The following PHACTR4 variants were observed in gnomAD, a reference collection of about 807,000 sequenced individuals.
PHACTR4 encodes the protein protein phosphatase 1, regulatory subunit 124.
PHACTR4 carries 51 observed loss-of-function variants against 72.7 expected under a neutral mutation model. The ratio of observed to expected loss-of-function variants is 0.70; its 90% CI spans 0.56 to 0.89. The LOEUF (loss-of-function observed/expected upper bound fraction) is 0.89. Ranked by LOEUF, PHACTR4 falls within the 40% of genes least tolerant of loss-of-function variation. The probability of loss-of-function intolerance (pLI) is 0.00; values close to 1 mark genes in which losing one functional copy is unlikely to be tolerated. For missense variants in PHACTR4, 731 were observed against 861.8 expected, an observed-to-expected ratio of 0.85 and a Z score of 1.90; for synonymous variants, 255 against 302.5, an observed-to-expected ratio of 0.84 and a Z score of 1.63.
At chr1:28,419,902 G>C (rs943206717) in intron 2 of PHACTR4, among the ~76,000 whole-genome samples, 1 of 152,040 alleles carries the variant, frequency 6.6e-6, no homozygotes, top group Admixed American at 6.6e-5. Context: ...TACATACCAC[G>C]AATGTTGTGT....
intron 1 of PHACTR4, among the ~76,000 whole-genome samples, chr1:28,393,470 C>G (rs1025995073): frequency 2.6e-5 from 4 of 152,132 alleles, no homozygotes; most frequent in African/African-American, 9.7e-5. Context: ...TGAAAAATTC[C>G]TATTGCCTGG....
chr1:28,369,860 GC>G, intron 1 of PHACTR4, 35 bp downstream of exon 1: 1 of 439,346 alleles, frequency 2.3e-6, no homozygotes, highest in South Asian at 1.6e-5. Flanking sequence ...TGAGCAGGAC[GC>G]GCTCAGTATC....
At chr1:28,399,756 C>G (rs573493585) in intron 1 of PHACTR4, among the ~76,000 whole-genome samples, 1 of 152,156 alleles carries the variant, frequency 6.6e-6, no homozygotes, top group African/African-American at 2.4e-5. Context: ...AGTATACCAT[C>G]AGATAGTGAT....
chr1:28,375,387 AAG>A (rs972829597), intron 1 of PHACTR4, among the ~76,000 whole-genome samples: 1 of 147,714 alleles, frequency 6.8e-6, no homozygotes, highest in Admixed American at 7.0e-5. Flanking sequence ...ATTATTTATA[AAG>A]AGAGAGGCTG....
In PHACTR4 at chr1:28,500,355, T is replaced by A; in HGVS notation, c.*3806T>A. The A allele has an allele frequency of 6.6e-6, 1 of 152,306 alleles. No individual in the cohort carries two copies. Among genetic ancestry groups the A allele is most frequent in the East Asian group, 1.9e-4 (1 of 5,192 alleles). The allele number at this position is 152,306 out of a possible 1,614,324, so 9.4% of individuals were successfully genotyped here. A position where few individuals can be genotyped will look rare whatever the true frequency, so the allele number is the denominator to read the frequency against. ...TAATTATTAAATATTTTAGAATTTT[T>A]AAATACCAACTATACTATTCTGGTG... is the stretch of plus-strand genomic sequence containing the variant. On this transcript the variant is annotated 3_prime_UTR_variant, in exon 14 of 14. Coordinates refer to ENST00000373839, the MANE Select transcript of PHACTR4 (RefSeq NM_001048183.3).
At chr1:28,469,759 A>T (rs1037208266) in intron 6 of PHACTR4, among the ~76,000 whole-genome samples, 10 of 152,266 alleles carry the variant, frequency 6.6e-5, no homozygotes, top group African/African-American at 2.2e-4. Context: ...AGCCTTTTTT[A>T]AAATTTATTT....
rs1188704308 is a variant in PHACTR4 at position 28,450,974 on chromosome 1, C to CTTTTTTTTTTTT, written c.17-8102_17-8091dup. ...TACAGGCATGTACCACCACACCCAG[C>CTTTTTTTTTTTT]TTTTTTTTTTTTTTTTTTTTGTATT... is the stretch of plus-strand genomic sequence containing the variant. On this transcript the variant is annotated intron_variant, in intron 2 of 13. Transcript: ENST00000373839. Among the ~76,000 whole-genome samples the CTTTTTTTTTTTT allele has an allele frequency of 3.5e-3, 254 of 72,000 alleles. 10 individuals are homozygous for CTTTTTTTTTTTT. Among genetic ancestry groups the CTTTTTTTTTTTT allele is most frequent in the African/African-American group, 8.0e-3 (117 of 14,594 alleles). The allele number at this position is 72,000 out of a possible 152,430, so 47.2% of individuals were successfully genotyped here. A position where few individuals can be genotyped will look rare whatever the true frequency, so the allele number is the denominator to read the frequency against.
chr1:28,466,520 C>G lies in PHACTR4; in HGVS notation c.575C>G (p.Ser192Cys), dbSNP rs770669061. 4.5e-5 allele frequency: 72 copies of G among 1,614,032 alleles called. No homozygotes were observed. The highest frequency in any genetic ancestry group is 5.9e-5 in the Non-Finnish European group (70 of 1,180,044). The change falls in exon 6 of 14, where the codon TCT (serine) becomes TGT (cysteine). Residue 192 changes from serine (S) to cysteine (C), a missense_variant. This residue lies in a region of PHACTR4 where 621 missense variants were observed against 676.6 expected (regional missense o/e 0.92). Transcript: ENST00000373839. ...GGGCAAGCAAAGGATGCCACTTCCTCTGGCGGCACGGCAAGGTTCATCATC... is the reference window on the plus strand; with the variant it reads ...GGGCAAGCAAAGGATGCCACTTCCTGTGGCGGCACGGCAAGGTTCATCATC... The part of the protein sequence containing the change: ...SEGQAKDATS[S>C]GGTARFIIST...
intron 3 of PHACTR4, 133 bp downstream of exon 3, chr1:28,459,391 TC>T: frequency 7.4e-6 from 5 of 674,600 alleles, no homozygotes; most frequent in East Asian, 3.2e-5. Flanking sequence ...ATTCTTTCCT[TC>T]TTCTTTTTTT....
intron 10 of PHACTR4, chr1:28,489,643 T>TTTAATCCC (rs1660912670): frequency 5.4e-6 from 2 of 372,654 alleles, no homozygotes; most frequent in East Asian, 1.4e-4. Flanking sequence ...TTTCTCTTGG[T>TTTAATCCC]TTAATCCCTT....
intron 2 of PHACTR4, among the ~76,000 whole-genome samples, chr1:28,417,370 A>C (rs1336432550): frequency 6.6e-6 from 1 of 152,216 alleles, no homozygotes; most frequent in East Asian, 1.9e-4. Context: ...TTGGATTATA[A>C]ATTAGGCACA....
At chr1:28,447,452 C>T (rs563036783) in intron 2 of PHACTR4, among the ~76,000 whole-genome samples, 3 of 150,266 alleles carry the variant, frequency 2.0e-5, no homozygotes, top group African/African-American at 4.9e-5. Context: ...TGCAGTGGCA[C>T]GATCTCGACT....
At chr1:28,483,731 G>A (rs1361504610) in intron 9 of PHACTR4, among the ~76,000 whole-genome samples, 4 of 149,150 alleles carry the variant, frequency 2.7e-5, no homozygotes, top group Non-Finnish European at 5.9e-5. Context: ...CCTGGGAGGT[G>A]GAGCTTGCAG....
intron 13 of PHACTR4, 40 bp downstream of exon 13, chr1:28,493,131 A>G (rs1403259841): frequency 6.4e-7 from 1 of 1,555,624 alleles, no homozygotes. Flanking sequence ...TGCTAGGTAG[A>G]GTTTTCCAAA....
In PHACTR4 at chr1:28,473,698, G is replaced by A; in HGVS notation, c.968G>A (p.Arg323Lys). The A allele has an allele frequency of 1.9e-6, 3 of 1,614,100 alleles. No individual in the cohort carries two copies. Among genetic ancestry groups the A allele is most frequent in the African/African-American group, 1.3e-5 (1 of 75,014 alleles). The change falls in exon 7 of 14, where the codon AGA becomes AAA. Residue 323 changes from arginine to lysine, a missense_variant. This residue lies in a region of PHACTR4 where 621 missense variants were observed against 676.6 expected (regional missense o/e 0.92). Coordinates refer to ENST00000373839, the MANE Select transcript of PHACTR4 (RefSeq NM_001048183.3). ...AITTKTPSDEREKSTCSMGSE... is the reference protein window; with the variant it reads ...AITTKTPSDEKEKSTCSMGSE... ...ACCACAAAAACACCAAGTGATGAAAGAGAGAAGAGCACGTGTTCTATGGGC... is the reference window on the plus strand; with the variant it reads ...ACCACAAAAACACCAAGTGATGAAAAAGAGAAGAGCACGTGTTCTATGGGC...
chr1:28,473,680 A>G lies in PHACTR4; in HGVS notation c.950A>G (p.Lys317Arg). 1 of 1,614,004 alleles carries G rather than the reference A, an allele frequency of 6.2e-7. No individual in the cohort carries two copies. The highest frequency in any genetic ancestry group is 1.1e-5 in the South Asian group (1 of 91,064). The change falls in exon 7 of 14, where the codon AAA becomes AGA. Residue 317 changes from lysine (K) to arginine (R), a missense_variant. Coordinates refer to ENST00000373839, the MANE Select transcript of PHACTR4 (RefSeq NM_001048183.3). ...TLESAAAITT[K>R]TPSDEREKST... ...GAGTCTGCTGCTGCCATCACCACAA[A>G]AACACCAAGTGATGAAAGAGAGAAG...
chr1:28,400,981 T>C (rs1653904079), intron 1 of PHACTR4, among the ~76,000 whole-genome samples: 2 of 152,168 alleles, frequency 1.3e-5, no homozygotes, highest in Non-Finnish European at 2.9e-5. Flanking sequence ...TCTTGAGTAA[T>C]CACCTGTCTG....
rs371190764 is a variant in PHACTR4, at chr1:28,459,164, A to G, written c.96A>G (p.Lys32=). The change falls in exon 3 of 14, where the codon AAA becomes AAG. Residue 32 remains lysine, a synonymous_variant. Coordinates refer to ENST00000373839, the MANE Select transcript of PHACTR4 (RefSeq NM_001048183.3). The part of the protein sequence containing the change: ...VEAGDTTPPT[K]RKSKFSGFGK... ...CAGGAGACACAACACCTCCTACCAA[A>G]AGGAAGAGCAAGTTCTCAGGCTTTG... is the stretch of plus-strand genomic sequence containing the variant. The G allele has an allele frequency of 7.4e-6, 12 of 1,613,874 alleles. No homozygotes were observed. In the East Asian group the frequency reaches 1.1e-4, roughly 15 times the overall value.
At chr1:28,485,049 ACAT>A (rs756551911) in intron 9 of PHACTR4, among the ~76,000 whole-genome samples, 1 of 152,206 alleles carries the variant, frequency 6.6e-6, no homozygotes, top group Non-Finnish European at 1.5e-5. Context: ...TATGCTAACA[ACAT>A]AGTCAAACCT....
Sources: allele counts gnomAD v4.1 joint callset (sites outside exome capture counted in the v4.1 genomes callset), GRCh38; gene constraint gnomAD v4.1.1; regional missense constraint gnomAD v4.1.1; transcripts MANE v1.5; gene names NCBI Gene and HGNC (gene_info 2026-07-23, HGNC 2026-07-21).